PIK3R3: variants seen among roughly 807,000 people sequenced by gnomAD.
PIK3R3 encodes the protein phosphoinositide-3-kinase regulatory subunit 3.
A neutral mutation model predicts 62.9 loss-of-function variants in PIK3R3; 64 were observed. The observed-to-expected ratio is 1.02, with a 90% CI of 0.83 to 1.25. The LOEUF is 1.25. Among genes scored for constraint, PIK3R3 ranks in the 50% most tolerant of loss-of-function variants. The probability of loss-of-function intolerance (pLI) is 0.00; values close to 1 mark genes in which losing one functional copy is unlikely to be tolerated. For missense variants in PIK3R3, 614 were observed against 561.6 expected (o/e 1.09, Z -0.94); for synonymous variants, 165 against 189.0 (o/e 0.87, Z 1.04).
intron 3 of PIK3R3, among the ~76,000 whole-genome samples, chr1:46,068,129 G>A (rs1297424001): frequency 6.6e-6 from 1 of 152,070 alleles, no homozygotes. Flanking sequence ...CCTATAAGCT[G>A]ATTTAAACAA....
the PIK3R3 span, among the ~76,000 whole-genome samples, chr1:46,144,284 G>A: frequency 6.6e-6 from 1 of 152,168 alleles, no homozygotes; most frequent in Non-Finnish European, 1.5e-5. Flanking sequence ...CAGAGGTGAG[G>A]AATGGAAAGA....
At chr1:46,128,208 G>A (rs1394825012) in intron 1 of PIK3R3, among the ~76,000 whole-genome samples, 3 of 152,168 alleles carry the variant, frequency 2.0e-5, no homozygotes, top group Non-Finnish European at 1.5e-5. Flanking sequence ...TCCGAGGTGG[G>A]CAGATCACTT....
At chr1:46,110,387 G>T (rs1267771044) in intron 1 of PIK3R3, among the ~76,000 whole-genome samples, 1 of 150,220 alleles carries the variant, frequency 6.7e-6, no homozygotes, top group African/African-American at 2.5e-5. Context: ...CTCCCAAAGT[G>T]CCGAGATTAC....
chr1:46,062,444 G>A (rs1487642161), intron 5 of PIK3R3, among the ~76,000 whole-genome samples: 1 of 151,914 alleles, frequency 6.6e-6, no homozygotes, highest in African/African-American at 2.4e-5. Flanking sequence ...GCGTGGTGGC[G>A]GGCGCCTGTA....
Position 46,044,080 on chromosome 1 carries a change from C to A in PIK3R3, c.1188-209G>T, listed in dbSNP as rs74735019. On this transcript the variant is annotated intron_variant, in intron 9 of 9. Coordinates refer to ENST00000262741, the MANE Select transcript of PIK3R3 (RefSeq NM_003629.4). This position sits in a 1 kb window ranked among gnomAD's most constrained non-coding sequence, Gnocchi z 4.2. ...CACAAATGTAAGGGTTTATTTATTT[C>A]TTTTTTTTTTTTTTAGACAGGGTCT... Among the ~76,000 whole-genome samples the A allele has an allele frequency of 1.2e-3, 171 of 145,382 alleles. No individual in the cohort carries two copies. The East Asian group carries it at 0.013, about 11-fold the overall frequency.
the PIK3R3 span, among the ~76,000 whole-genome samples, chr1:46,155,337 G>GA: frequency 0.069 from 9,351 of 136,010 alleles, 808 homozygotes; most frequent in African/African-American, 0.21. Flanking sequence ...CAACAAAAAA[G>GA]AAAAAAAAAA....
At chr1:46,161,281 A>ATC in the PIK3R3 span, among the ~76,000 whole-genome samples, 1 of 117,906 alleles carries the variant, frequency 8.5e-6, no homozygotes, top group Admixed American at 8.9e-5. Context: ...TTTTTTTTGT[A>ATC]GAGACAATGT....
At chr1:46,102,495 AAATGAG>A (rs1652791176) in intron 1 of PIK3R3, among the ~76,000 whole-genome samples, 1 of 152,300 alleles carries the variant, frequency 6.6e-6, no homozygotes. Context: ...TTAAATACTT[AAATGAG>A]AATGAGAATG....
the PIK3R3 span, among the ~76,000 whole-genome samples, chr1:46,158,071 A>G: frequency 6.6e-6 from 1 of 152,090 alleles, no homozygotes; most frequent in Non-Finnish European, 1.5e-5. Flanking sequence ...AGGCTTCATC[A>G]GTACTCACTA....
intron 2 of PIK3R3, among the ~76,000 whole-genome samples, chr1:46,080,217 A>G (rs939796521): frequency 9.9e-5 from 15 of 151,720 alleles, no homozygotes; most frequent in African/African-American, 3.1e-4. Flanking sequence ...GCATGCCAAC[A>G]TGCCCAGCTA....
At chr1:46,161,969 G>A in the PIK3R3 span, among the ~76,000 whole-genome samples, 1 of 150,840 alleles carries the variant, frequency 6.6e-6, no homozygotes, top group Admixed American at 6.6e-5. Flanking sequence ...GCGGGCACCT[G>A]TAGTCCCAGC....
At chr1:46,097,790 G>A (rs1385395088) in intron 1 of PIK3R3, among the ~76,000 whole-genome samples, 1 of 151,586 alleles carries the variant, frequency 6.6e-6, no homozygotes, top group Non-Finnish European at 1.5e-5. Context: ...TCAGGAGGCT[G>A]AGGCAGGAGA....
At chr1:46,149,600 G>A in the PIK3R3 span, among the ~76,000 whole-genome samples, 1 of 151,882 alleles carries the variant, frequency 6.6e-6, no homozygotes, top group Non-Finnish European at 1.5e-5. Context: ...GCAGTGGCGC[G>A]ATCTCAGCTC....
chr1:46,124,205 T>G (rs557279359), intron 1 of PIK3R3, among the ~76,000 whole-genome samples: 10 of 152,278 alleles, frequency 6.6e-5, no homozygotes, highest in South Asian at 2.1e-4. Flanking sequence ...TACTAGATAT[T>G]GATATGGTAC....
chr1:46,131,754 C>A, intron 1 of PIK3R3, 93 bp downstream of exon 1: 1 of 1,237,702 alleles, frequency 8.1e-7, no homozygotes, highest in Non-Finnish European at 1.2e-6. Flanking sequence ...CCTAGCGCAC[C>A]CAGGAATACT....
the PIK3R3 span, among the ~76,000 whole-genome samples, chr1:46,150,129 T>A: frequency 6.6e-6 from 1 of 152,210 alleles, no homozygotes; most frequent in African/African-American, 2.4e-5. Context: ...ACAACATGGA[T>A]TCCTGAAACC....
chr1:46,087,599 T>A (rs904596082), intron 1 of PIK3R3, among the ~76,000 whole-genome samples: 1 of 146,448 alleles, frequency 6.8e-6, no homozygotes, highest in East Asian at 2.0e-4. Context: ...CATCTTTTTT[T>A]TTTTTTTTTT....
intron 1 of PIK3R3, among the ~76,000 whole-genome samples, chr1:46,112,319 A>C (rs1352450406): frequency 3.3e-5 from 5 of 152,214 alleles, no homozygotes; most frequent in Admixed American, 3.3e-4. Flanking sequence ...GAAATATTCC[A>C]CAGTACAGGT....
At chr1:46,149,619 C>T in the PIK3R3 span, among the ~76,000 whole-genome samples, 2 of 152,000 alleles carry the variant, frequency 1.3e-5, no homozygotes, top group Non-Finnish European at 2.9e-5. Context: ...TCACTGCAGC[C>T]TGCTGGGTCT....
Sources: gnomAD v4.1 joint callset for allele counts (sites outside exome capture counted in the v4.1 genomes callset) on GRCh38, gnomAD v4.1.1 for gene constraint, Gnocchi (gnomAD v3.1) non-coding constraint, MANE v1.5 for transcripts, NCBI Gene and HGNC (gene_info 2026-07-23, HGNC 2026-07-21) for gene names.